The following HERC5 variants were observed in gnomAD, a reference collection of about 807,000 sequenced individuals.
HERC5 encodes the protein E3 ISG15--protein ligase HERC5.
In HERC5, 99 loss-of-function variants were observed where a neutral mutation model predicts 119.6. That is an observed-to-expected ratio of 0.83 (90% CI 0.70 to 0.98). The LOEUF (loss-of-function observed/expected upper bound fraction) is 0.98, where lower values mean the gene tolerates loss of function less well. Ranked by LOEUF, HERC5 falls within the 50% of genes least tolerant of loss-of-function variation. The pLI is 0.00. For missense variants in HERC5, 1,267 were observed against 1,241.3 expected (o/e 1.02, Z -0.31); for synonymous variants, 478 against 445.9 (o/e 1.07, Z -0.91).
At chr4:88,481,329 A>T (rs1741271322) in intron 13 of HERC5, among the ~76,000 whole-genome samples, 1 of 152,200 alleles carries the variant, frequency 6.6e-6, no homozygotes, top group Admixed American at 6.5e-5. Flanking sequence ...CTGGTATTAC[A>T]GGTATGAGCC....
chr4:88,504,542 G>A lies in HERC5; in HGVS notation c.2814G>A (p.Val938=), dbSNP rs150997178. 3.7e-4 allele frequency: 580 copies of A among 1,576,444 alleles called. 5 individuals carry two copies. The African/African-American group carries it at 7.2e-3, about 20-fold the overall frequency. The stretch of plus-strand genomic sequence containing the variant: ...ATAACAGTTCACATCCCACCATAGT[G>A]ATGTTTTGGAAGGCTTTCCACAAAT... ...PGYNSSHPTI[V]MFWKAFHKLT... is the part of the protein sequence containing the mutation. Residue 938 remains valine, a synonymous_variant, in exon 22 of 23, where the codon GTG becomes GTA. Coordinates refer to ENST00000264350, the MANE Select transcript of HERC5 (RefSeq NM_016323.4).
intron 22 of HERC5, 133 bp from the exon 23 acceptor site, chr4:88,505,540 C>G: frequency 1.6e-6 from 1 of 622,084 alleles, no homozygotes; most frequent in Non-Finnish European, 2.9e-6. Flanking sequence ...AATACAATCC[C>G]CAATGCACTG....
chr4:88,488,314 C>T (rs893306821), intron 15 of HERC5, among the ~76,000 whole-genome samples: 1 of 151,510 alleles, frequency 6.6e-6, no homozygotes, highest in African/African-American at 2.4e-5. Flanking sequence ...TCACTGCAAC[C>T]TCCACTTCCT....
intron 16 of HERC5, 35 bp from the exon 17 acceptor site, chr4:88,492,977 C>T (rs767537567): frequency 1.9e-6 from 3 of 1,607,782 alleles, no homozygotes; most frequent in Non-Finnish European, 2.6e-6. Flanking sequence ...ATATAGAGCC[C>T]TGGAAGTGAT....
chr4:88,484,306 C>T (rs1741383319), intron 13 of HERC5, among the ~76,000 whole-genome samples: 1 of 152,052 alleles, frequency 6.6e-6, no homozygotes, highest in Non-Finnish European at 1.5e-5. Flanking sequence ...AATCTTCCTC[C>T]TGATGTCTTT....
Position 88,500,912 on chromosome 4 carries a change from C to G in HERC5, c.2512-3C>G. ...TATTATCTGAGTTCATTTGCGGTTACAGGTGCACTGGGACAGAAACGACAC... is the reference window on the plus strand; with the variant it reads ...TATTATCTGAGTTCATTTGCGGTTAGAGGTGCACTGGGACAGAAACGACAC... On this transcript the variant is annotated splice_polypyrimidine_tract_variant and splice_region_variant and intron_variant, in intron 19 of 22. Coordinates refer to ENST00000264350, the MANE Select transcript of HERC5 (RefSeq NM_016323.4). 6.2e-7 allele frequency: 1 copy of G among 1,608,584 alleles called. No homozygotes were observed. Among genetic ancestry groups the G allele is most frequent in the Non-Finnish European group, 8.5e-7 (1 of 1,177,050 alleles).
intron 3 of HERC5, among the ~76,000 whole-genome samples, chr4:88,461,028 T>C (rs1017453666): frequency 3.9e-5 from 6 of 152,054 alleles, no homozygotes; most frequent in Non-Finnish European, 5.9e-5. Context: ...ATAATTAAGA[T>C]AGAAGTAGGG....
rs559403064 is a variant in HERC5, at chr4:88,490,888, T to C, written c.2133+1552T>C. Among the ~76,000 whole-genome samples, 4 of 152,148 alleles carry C rather than the reference T, an allele frequency of 2.6e-5. No individual in the cohort carries two copies. The East Asian group carries it at 5.8e-4, about 22-fold the overall frequency. ...ATTGCAGTTAGAGTTGGTATTTCCATGTATTTTTGCACACAGATAATTGTA... is the reference window on the plus strand; with the variant it reads ...ATTGCAGTTAGAGTTGGTATTTCCACGTATTTTTGCACACAGATAATTGTA... On this transcript the variant is annotated intron_variant, in intron 16 of 22. Coordinates refer to ENST00000264350, the MANE Select transcript of HERC5 (RefSeq NM_016323.4).
intron 20 of HERC5, among the ~76,000 whole-genome samples, chr4:88,501,945 C>A (rs1231336766): frequency 6.6e-6 from 1 of 152,028 alleles, no homozygotes; most frequent in Non-Finnish European, 1.5e-5. Context: ...ACTACAGGCG[C>A]CCGCCACCAC....
intron 16 of HERC5, 134 bp from the exon 17 acceptor site, chr4:88,492,878 A>G (rs887860730): frequency 3.0e-6 from 2 of 673,398 alleles, no homozygotes; most frequent in Non-Finnish European, 2.4e-6. Context: ...TAATATAAGT[A>G]GGATACTTAC....
At position 88,460,123 on chromosome 4, in the gene HERC5, A is replaced by G. The variant is rs1013848018; in HGVS notation, c.418A>G (p.Ile140Val). ...TGAAAGCATTTTACAAGAAAAAAAA[A>G]TAATTCAGATCACATGTGGAGATTA... ...RFESILQEKK[I>V]IQITCGDYHS... The change falls in exon 3 of 23, where the codon ATA (isoleucine) becomes GTA (valine). Residue 140 changes from isoleucine (I) to valine (V), a missense_variant. This residue lies in a region of HERC5 where 777 missense variants were observed against 758.0 expected (regional missense o/e 1.03). Coordinates refer to ENST00000264350, the MANE Select transcript of HERC5 (RefSeq NM_016323.4). 3 of 1,586,840 alleles carry G rather than the reference A, an allele frequency of 1.9e-6. No homozygotes were observed. Among genetic ancestry groups the G allele is most frequent in the Non-Finnish European group, 1.7e-6 (2 of 1,157,764 alleles).
At position 88,479,534 on chromosome 4, in the gene HERC5, G is replaced by T. The variant is rs73841946; in HGVS notation, c.1737+27G>T. The T allele has an allele frequency of 1.8e-3, 2,737 of 1,517,930 alleles. 41 individuals are homozygous for T. The African/African-American group carries it at 0.032, about 18-fold the overall frequency. The allele number at this position is 1,517,930 out of a possible 1,614,324, so 94.0% of individuals were successfully genotyped here. On this transcript the variant is annotated intron_variant, in intron 13 of 22. Transcript: ENST00000264350. ...TAAGAGTTCCTTTAGAAACCTCTGT[G>T]TTTTTATCTAGCTGTAAAAATTCCC...
rs980670639 is a variant in HERC5 at position 88,462,334 on chromosome 4, A to G, written c.666A>G (p.Gln222=). 6.8e-6 allele frequency: 11 copies of G among 1,614,162 alleles called. No homozygotes were observed. The East Asian group carries it at 2.2e-4, about 33-fold the overall frequency. ...IYSWGKNECG[Q]LGLGHTESKD... The stretch of plus-strand genomic sequence containing the variant: ...CATGGGGAAAAAATGAATGTGGACA[A>G]CTAGGCCTGGGCCACACTGAGAGTA... The change falls in exon 4 of 23, where the codon CAA becomes CAG. Residue 222 remains glutamine, a synonymous_variant. Transcript: ENST00000264350.
At chr4:88,482,267 G>A (rs181988428) in intron 13 of HERC5, among the ~76,000 whole-genome samples, 16 of 150,102 alleles carry the variant, frequency 1.1e-4, no homozygotes, top group Admixed American at 6.7e-4. Context: ...CCAAGATTGC[G>A]TCACTGCACT....
chr4:88,492,935 T>C (rs1385550535), intron 16 of HERC5, 77 bp from the exon 17 acceptor site: 4 of 1,386,190 alleles, frequency 2.9e-6, no homozygotes, highest in Non-Finnish European at 4.0e-6. Flanking sequence ...GTTAGCTATT[T>C]ACTATTATTA....
intron 15 of HERC5, 99 bp downstream of exon 15, chr4:88,487,278 GA>G (rs893871900): frequency 6.4e-6 from 4 of 621,146 alleles, no homozygotes; most frequent in Non-Finnish European, 1.1e-5. Context: ...ACCTACCAGT[GA>G]AACCAATGGT....
chr4:88,479,292 A>G, intron 12 of HERC5, 61 bp from the exon 13 acceptor site: 4 of 1,423,502 alleles, frequency 2.8e-6, no homozygotes, highest in South Asian at 1.5e-5. Flanking sequence ...CTCAAAAAAA[A>G]AAAAAAAAAA....
At chr4:88,478,110 A>G (rs1741146640) in intron 12 of HERC5, among the ~76,000 whole-genome samples, 1 of 152,196 alleles carries the variant, frequency 6.6e-6, no homozygotes, top group Non-Finnish European at 1.5e-5. Flanking sequence ...AGTATTTTTT[A>G]ATAGAGACAG....
chr4:88,496,486 T>G (rs1255866689), intron 18 of HERC5, among the ~76,000 whole-genome samples: 2 of 152,164 alleles, frequency 1.3e-5, no homozygotes, highest in Non-Finnish European at 2.9e-5. Flanking sequence ...AGCTCAGAAA[T>G]GGACCCATGC....
Sources: allele counts gnomAD v4.1 joint callset (sites outside exome capture counted in the v4.1 genomes callset), GRCh38; gene constraint gnomAD v4.1.1; regional missense constraint gnomAD v4.1.1; transcripts MANE v1.5; gene names NCBI Gene and HGNC (gene_info 2026-07-23, HGNC 2026-07-21).